Variants in TMEM132D observed in about 807,000 individuals in gnomAD.
TMEM132D encodes mature OL transmembrane protein.
A neutral mutation model predicts 62.3 loss-of-function variants in TMEM132D; 21 were observed. The observed-to-expected ratio is 0.34, with a 90% CI of 0.24 to 0.49. TMEM132D has a LOEUF of 0.49. Ranked by LOEUF, TMEM132D falls within the 20% of genes least tolerant of loss-of-function variation. The pLI is 0.99. For synonymous variants in TMEM132D, 621 were observed against 575.6 expected, an observed-to-expected ratio of 1.08 and a Z score of -1.13; for missense variants, 1,346 against 1,402.8, an observed-to-expected ratio of 0.96 and a Z score of 0.65.
chr12:129,377,672 G>C (rs186566115), intron 3 of TMEM132D, among the ~76,000 whole-genome samples: 1 of 152,298 alleles, frequency 6.6e-6, no homozygotes, highest in East Asian at 1.9e-4. Context: ...CCAGGAACCA[G>C]TTTGGTTTCA....
At chr12:129,822,961 T>C (rs1054482687) in intron 1 of TMEM132D, among the ~76,000 whole-genome samples, 1 of 152,214 alleles carries the variant, frequency 6.6e-6, no homozygotes, top group African/African-American at 2.4e-5. Context: ...ATGTTGGGGA[T>C]GGGACCTGGT....
chr12:129,337,307 A>T (rs1312635211), intron 4 of TMEM132D, among the ~76,000 whole-genome samples: 2 of 152,172 alleles, frequency 1.3e-5, no homozygotes, highest in African/African-American at 2.4e-5. Context: ...CATATGCTAC[A>T]AACACATCTA....
chr12:129,086,365 T>A (rs1874622733), intron 5 of TMEM132D, among the ~76,000 whole-genome samples: 2 of 152,140 alleles, frequency 1.3e-5, no homozygotes, highest in Admixed American at 1.3e-4. Context: ...ACATTGTACC[T>A]CTTAAGTAAT....
rs149390652 is a variant in TMEM132D, at chr12:129,628,384, A to C, written c.968+71426T>G. 1.9e-3 allele frequency among the ~76,000 whole-genome samples: 290 copies of C among 152,334 alleles called. 2 individuals carry two copies. Among genetic ancestry groups the C allele is most frequent in the African/African-American group, 6.2e-3 (257 of 41,586 alleles). On this transcript the variant is annotated intron_variant, in intron 2 of 8. Transcript: ENST00000422113. ...CACAGGAGGCAGGAGGGATGGGTGC[A>C]TGAAACCCTGTTCAGCCAGGACACC...
chr12:129,868,115 A>G (rs993489939), intron 1 of TMEM132D, among the ~76,000 whole-genome samples: 12 of 149,400 alleles, frequency 8.0e-5, no homozygotes, highest in African/African-American at 2.9e-4. Context: ...CAGCATTTGT[A>G]TGGTACACAC....
intron 3 of TMEM132D, among the ~76,000 whole-genome samples, chr12:129,441,755 A>C (rs1158934799): frequency 6.6e-6 from 1 of 152,190 alleles, no homozygotes; most frequent in East Asian, 1.9e-4. Flanking sequence ...GCAACAGTGG[A>C]GTAAATAAAG....
chr12:129,610,387 C>A (rs77085412), intron 2 of TMEM132D, among the ~76,000 whole-genome samples: 9,431 of 152,214 alleles, frequency 0.062, 394 homozygotes, highest in Non-Finnish European at 0.086. Flanking sequence ...CCCTGTACCC[C>A]AATCTCCCTA....
chr12:129,586,005 G>A (rs866344073), intron 2 of TMEM132D, among the ~76,000 whole-genome samples: 1 of 152,104 alleles, frequency 6.6e-6, no homozygotes, highest in Non-Finnish European at 1.5e-5. Flanking sequence ...AATTAAAGGA[G>A]AATTGTGCTG....
intron 1 of TMEM132D, among the ~76,000 whole-genome samples, chr12:129,732,465 G>C (rs1406309305): frequency 1.3e-5 from 2 of 152,202 alleles, no homozygotes; most frequent in Non-Finnish European, 2.9e-5. Flanking sequence ...GTTTGAATCA[G>C]AGGGGCCGAT....
At chr12:129,546,628 C>A (rs1004620314) in intron 2 of TMEM132D, among the ~76,000 whole-genome samples, 1 of 151,800 alleles carries the variant, frequency 6.6e-6, no homozygotes, top group African/African-American at 2.4e-5. Flanking sequence ...GGTGAAACCC[C>A]GTCTCTACTA....
chr12:129,553,264 C>T (rs932015756), intron 2 of TMEM132D, among the ~76,000 whole-genome samples: 4 of 152,154 alleles, frequency 2.6e-5, no homozygotes, highest in Admixed American at 6.5e-5. Context: ...TGGTCCCTGG[C>T]TGCGTGAGTC....
intron 1 of TMEM132D, among the ~76,000 whole-genome samples, chr12:129,789,726 G>A (rs183346295): frequency 9.8e-5 from 15 of 152,310 alleles, no homozygotes; most frequent in Admixed American, 8.5e-4. Flanking sequence ...AGGGCAGCAG[G>A]CAGCAGACAG....
intron 3 of TMEM132D, among the ~76,000 whole-genome samples, chr12:129,368,533 C>T (rs1870496860): frequency 6.6e-6 from 1 of 152,100 alleles, no homozygotes; most frequent in African/African-American, 2.4e-5. Context: ...TCCCTCCCTG[C>T]CTTCCCTTCT....
chr12:129,208,486 A>C (rs947835489), intron 5 of TMEM132D: 2 of 152,370 alleles, frequency 1.3e-5, no homozygotes, highest in African/African-American at 4.8e-5. Context: ...ATGTGGTCCT[A>C]GAGTCTTGAA....
At chr12:129,858,921 C>A (rs1229960988) in intron 1 of TMEM132D, among the ~76,000 whole-genome samples, 1 of 126,040 alleles carries the variant, frequency 7.9e-6, no homozygotes, top group Non-Finnish European at 1.7e-5. Context: ...GATGGCTGCC[C>A]TTGTAACGGA....
Position 129,779,155 on chromosome 12 carries a change from G to GA in TMEM132D, c.80-78458dup, listed in dbSNP as rs1262122138. On this transcript the variant is annotated intron_variant, in intron 1 of 8. Coordinates refer to ENST00000422113, the MANE Select transcript of TMEM132D (RefSeq NM_133448.3). The surrounding 1 kb of genome is among the most constrained non-coding windows in gnomAD (Gnocchi z 4.1). ...ATCACATTCCAAATCCACCCAGCAG[G>GA]AAGGATACAAGGCCTTAGGAAGGAT... Among the ~76,000 whole-genome samples, 4 of 152,270 alleles carry GA rather than the reference G, an allele frequency of 2.6e-5. No individual in the cohort carries two copies. Among genetic ancestry groups the GA allele is most frequent in the African/African-American group, 9.6e-5 (4 of 41,542 alleles).
intron 5 of TMEM132D, among the ~76,000 whole-genome samples, chr12:129,103,202 C>T (rs1875372539): frequency 6.6e-6 from 1 of 152,112 alleles, no homozygotes; most frequent in African/African-American, 2.4e-5. Context: ...GGGATTTGCT[C>T]CTTCATCTCT....
intron 5 of TMEM132D, among the ~76,000 whole-genome samples, chr12:129,145,328 C>T (rs1354302270): frequency 6.6e-6 from 1 of 152,084 alleles, no homozygotes; most frequent in African/African-American, 2.4e-5. Flanking sequence ...TTGAAAATCC[C>T]TGCCCTAGAG....
intron 5 of TMEM132D, among the ~76,000 whole-genome samples, chr12:129,205,875 A>C (rs1878836074): frequency 6.6e-6 from 1 of 152,152 alleles, no homozygotes; most frequent in Admixed American, 6.5e-5. Context: ...ATCACTCAAA[A>C]TCATAAAATT....
Sources: gnomAD v4.1 joint callset for allele counts (sites outside exome capture counted in the v4.1 genomes callset) on GRCh38, gnomAD v4.1.1 for gene constraint, Gnocchi (gnomAD v3.1) non-coding constraint, MANE v1.5 for transcripts, NCBI Gene and HGNC (gene_info 2026-07-23, HGNC 2026-07-21) for gene names.